The following EMC10 variants were observed in gnomAD, a reference collection of about 807,000 sequenced individuals.
EMC10 encodes ER membrane protein complex subunit 10, also known as UPF0510 protein INM02.
Under a neutral mutation model 32.2 loss-of-function variants are expected in EMC10, and 40 were observed. That is an observed-to-expected ratio of 1.24 (90% CI 0.96 to 1.61). The LOEUF (loss-of-function observed/expected upper bound fraction) is 1.61. EMC10 is among the 40% of genes most tolerant of loss of function. EMC10 has a pLI of 0.00. For synonymous variants in EMC10, 178 were observed against 158.4 expected (o/e 1.12, Z -0.93); for missense variants, 402 against 357.7 (o/e 1.12, Z -1.00).
At position 50,482,637 on chromosome 19, in the gene EMC10, G is replaced by A. The variant is rs182313630; in HGVS notation, c.*378G>A. On this transcript the variant is annotated 3_prime_UTR_variant, in exon 7 of 7. Coordinates refer to ENST00000334976, the MANE Select transcript of EMC10 (RefSeq NM_206538.4). ...CCTTCTCTCCAGCCTCTGTGCCTTT[G>A]TTCCAGGTGGTCTCACCCTCCTGTC... The A allele has an allele frequency of 2.1e-5, 10 of 483,626 alleles. No homozygotes were observed. In the Middle Eastern group the frequency reaches 1.1e-3, roughly 54 times the overall value. 30.0% of individuals were successfully genotyped at this position (483,626 alleles called of 1,614,324 possible). A position where few individuals can be genotyped will look rare whatever the true frequency, so the allele number is the denominator to read the frequency against.
chr19:50,482,618 C>T lies in EMC10; in HGVS notation c.*359C>T, dbSNP rs1430752371. ...GCAGTCTGGGAACATGCCGCCTTCT[C>T]TCCAGCCTCTGTGCCTTTGTTCCAG... On this transcript the variant is annotated 3_prime_UTR_variant, in exon 7 of 7. Coordinates refer to ENST00000334976, the MANE Select transcript of EMC10 (RefSeq NM_206538.4). 4.1e-6 allele frequency: 2 copies of T among 490,222 alleles called. No homozygotes were observed. The highest frequency in any genetic ancestry group is 8.2e-5 in the South Asian group (2 of 24,528). The allele number at this position is 490,222 out of a possible 1,614,324, so 30.4% of individuals were successfully genotyped here.
intron 1 of EMC10, 34 bp from the exon 2 acceptor site, chr19:50,477,895 G>A (rs1198096837): frequency 1.9e-6 from 3 of 1,574,638 alleles, no homozygotes; most frequent in Non-Finnish European, 2.6e-6. Flanking sequence ...GGGCTTGGGT[G>A]GTCCTCACCT....
chr19:50,479,058 C>CGGGTGAGGTGGGT lies in EMC10; in HGVS notation c.290_291insGGTGAGGTGGGTG (p.Leu98ValfsTer79), dbSNP rs1568684801. 1 of 1,603,682 alleles carries CGGGTGAGGTGGGT rather than the reference C, an allele frequency of 6.2e-7. No homozygotes were observed. The highest frequency in any genetic ancestry group is 2.3e-5 in the East Asian group (1 of 44,394). Reference sequence around the variant, plus strand: ...GCAGCTCAGCGAGGAGGAGCGGGGCCGACTCCGGGTGAGGTGGGGCCCTCA... The same window carrying CGGGTGAGGTGGGT: ...GCAGCTCAGCGAGGAGGAGCGGGGCCGGGTGAGGTGGGTGACTCCGGGTGAGGTGGGGCCCTCA... On this transcript the variant is annotated frameshift_variant, in exon 3 of 7. Coordinates refer to ENST00000334976, the MANE Select transcript of EMC10 (RefSeq NM_206538.4). LOFTEE classifies it high-confidence loss of function.
Position 50,480,823 on chromosome 19 carries a change from C to T in EMC10, c.584+61C>T, listed in dbSNP as rs2040308202. The T allele has an allele frequency of 4.5e-6, 7 of 1,566,456 alleles. No homozygotes were observed. Among genetic ancestry groups the T allele is most frequent in the Non-Finnish European group, 6.1e-6 (7 of 1,152,990 alleles). On this transcript the variant is annotated intron_variant, in intron 5 of 6. Transcript: ENST00000334976. This position sits in a 1 kb window ranked among gnomAD's most constrained non-coding sequence, Gnocchi z 4.4. ...CTGCCCCGGCCCTTCCTGGCGGCCTCAGGGTCTCCAGGTCCCTGGACTCCG... is the reference window on the plus strand; with the variant it reads ...CTGCCCCGGCCCTTCCTGGCGGCCTTAGGGTCTCCAGGTCCCTGGACTCCG...
chr19:50,488,179 C>T lies in EMC10; in HGVS notation c.*5920C>T. 6.6e-6 allele frequency: 1 copy of T among 150,882 alleles called. No homozygotes were observed. Among genetic ancestry groups the T allele is most frequent in the Non-Finnish European group, 1.5e-5 (1 of 67,892 alleles). 9.3% of individuals were successfully genotyped at this position (150,882 alleles called of 1,614,324 possible). On this transcript the variant is annotated 3_prime_UTR_variant, in exon 7 of 7. Coordinates refer to ENST00000334976, the MANE Select transcript of EMC10 (RefSeq NM_206538.4). Reference sequence around the variant, plus strand: ...GGCATGGTGGCAGGCGCCTGTAGTCCCAGCTACTCGGGAGGCTGAGGCAGG... The same window carrying T: ...GGCATGGTGGCAGGCGCCTGTAGTCTCAGCTACTCGGGAGGCTGAGGCAGG...
intron 6 of EMC10, chr19:50,481,546 G>A: frequency 2.5e-6 from 1 of 402,162 alleles, no homozygotes; most frequent in South Asian, 3.9e-5. Context: ...TGAGTGTGGA[G>A]ACTGGTGTTA....
At position 50,490,079 on chromosome 19, in the gene EMC10, A is replaced by T. The variant is rs1480008129; in HGVS notation, c.*7820A>T. On this transcript the variant is annotated 3_prime_UTR_variant, in exon 7 of 7. Coordinates refer to ENST00000334976, the MANE Select transcript of EMC10 (RefSeq NM_206538.4). ...GCCCTCCCACCCCGCCCCCAACCCC[A>T]TAACTGAAAACAAGTAGGAACCTGG... is the stretch of plus-strand genomic sequence containing the variant. The T allele has an allele frequency of 4.3e-5, 2 of 46,950 alleles. No individual in the cohort carries two copies. The highest frequency in any genetic ancestry group is 5.0e-4 in the Admixed American group (2 of 3,964). 2.9% of individuals were successfully genotyped at this position (46,950 alleles called of 1,614,324 possible).
rs1160662232 is a variant in EMC10, at chr19:50,480,140, G to A, written c.327G>A (p.Arg109=). ...RDVAALNGLY[R]VRIPRRPGAL... ...TGGCAGCCCTGAATGGCCTGTACCGGGTCCGGATCCCAAGGCGACCCGGGG... is the reference window on the plus strand; with the variant it reads ...TGGCAGCCCTGAATGGCCTGTACCGAGTCCGGATCCCAAGGCGACCCGGGG... The change falls in exon 4 of 7, where the codon CGG becomes CGA. Residue 109 remains arginine, a synonymous_variant. Transcript: ENST00000334976. This position sits in a 1 kb window ranked among gnomAD's most constrained non-coding sequence, Gnocchi z 4.4. 1 of 1,613,058 alleles carries A rather than the reference G, an allele frequency of 6.2e-7. No homozygotes were observed. The highest frequency in any genetic ancestry group is 1.1e-5 in the South Asian group (1 of 90,692).
rs989630331 is a variant in EMC10, at chr19:50,483,863, A to T, written c.*1604A>T. ...AGGCGTGAGCCACCGCGCCTGGCCT[A>T]TTTTTGGTAACTTTAATAAAGAAGA... On this transcript the variant is annotated 3_prime_UTR_variant, in exon 7 of 7. Transcript: ENST00000334976. The T allele has an allele frequency of 4.0e-5, 6 of 151,476 alleles. No homozygotes were observed. The highest frequency in any genetic ancestry group is 1.2e-4 in the African/African-American group (5 of 41,194). The allele number at this position is 151,476 out of a possible 1,614,324, so 9.4% of individuals were successfully genotyped here.
chr19:50,479,114 C>A, intron 3 of EMC10, 48 bp downstream of exon 3: 1 of 1,451,720 alleles, frequency 6.9e-7, no homozygotes, highest in Non-Finnish European at 9.5e-7. Flanking sequence ...TGGAGGGTTT[C>A]CAGCTGTCTC....
rs774242025 is a variant in EMC10 at position 50,481,995 on chromosome 19, T to A, written c.679-154T>A. 7 of 1,600,216 alleles carry A rather than the reference T, an allele frequency of 4.4e-6. No homozygotes were observed. The African/African-American group carries it at 9.4e-5, about 21-fold the overall frequency. On this transcript the variant is annotated intron_variant, in intron 6 of 6. Coordinates refer to ENST00000334976, the MANE Select transcript of EMC10 (RefSeq NM_206538.4). ...CTCCCTGCGCCCCACTGGCCCTCCC[T>A]GACCTGTAGTGACGTAGGGGACCTG...
chr19:50,480,122 C>G lies in EMC10; in HGVS notation c.309C>G (p.Ala103=). Reference sequence around the variant, plus strand: ...TCTCCCATCCCCAGGATGTGGCAGCCCTGAATGGCCTGTACCGGGTCCGGA... The same window carrying G: ...TCTCCCATCCCCAGGATGTGGCAGCGCTGAATGGCCTGTACCGGGTCCGGA... ...EERGRLRDVA[A]LNGLYRVRIP... The change falls in exon 4 of 7, where the codon GCC becomes GCG. Residue 103 remains alanine (A), a synonymous_variant. Coordinates refer to ENST00000334976, the MANE Select transcript of EMC10 (RefSeq NM_206538.4). The surrounding 1 kb of genome is among the most constrained non-coding windows in gnomAD (Gnocchi z 4.4). 2 of 1,610,876 alleles carry G rather than the reference C, an allele frequency of 1.2e-6. No individual in the cohort carries two copies. The highest frequency in any genetic ancestry group is 1.7e-6 in the Non-Finnish European group (2 of 1,179,016).
In EMC10 at chr19:50,479,065, G is replaced by A. The variant is rs750637693; in HGVS notation, c.296G>A (p.Arg99Gln). ...AGCGAGGAGGAGCGGGGCCGACTCC[G>A]GGTGAGGTGGGGCCCTCAGGGCTGG... ...QLSEEERGRLRDVAALNGLYR... is the reference protein window; with the variant it reads ...QLSEEERGRLQDVAALNGLYR... The change falls in exon 3 of 7, where the codon CGG becomes CAG. Residue 99 changes from arginine to glutamine, a missense_variant and splice_region_variant. Physicochemically the swap from Arg to Gln is conservative, Grantham distance 43. Coordinates refer to ENST00000334976, the MANE Select transcript of EMC10 (RefSeq NM_206538.4). 1.3e-5 allele frequency: 20 copies of A among 1,597,732 alleles called. No individual in the cohort carries two copies. The Admixed American group carries it at 2.1e-4, about 16-fold the overall frequency.
At position 50,483,066 on chromosome 19, in the gene EMC10, G is replaced by A. The variant is rs1436920701; in HGVS notation, c.*807G>A. On this transcript the variant is annotated 3_prime_UTR_variant, in exon 7 of 7. Coordinates refer to ENST00000334976, the MANE Select transcript of EMC10 (RefSeq NM_206538.4). ...CCTACCTGGACTGCGGTGCTACGAGGGCCTGCGGGCCTTTGCTGTGTGCCA... is the reference window on the plus strand; with the variant it reads ...CCTACCTGGACTGCGGTGCTACGAGAGCCTGCGGGCCTTTGCTGTGTGCCA... 2 of 523,756 alleles carry A rather than the reference G, an allele frequency of 3.8e-6. No individual in the cohort carries two copies. The highest frequency in any genetic ancestry group is 2.2e-5 in the Admixed American group (1 of 44,456). 32.4% of individuals were successfully genotyped at this position (523,756 alleles called of 1,614,324 possible). A position where few individuals can be genotyped will look rare whatever the true frequency, so the allele number is the denominator to read the frequency against.
chr19:50,479,102 G>A (rs1170125089), intron 3 of EMC10, 36 bp downstream of exon 3: 1 of 1,512,984 alleles, frequency 6.6e-7, no homozygotes, highest in Non-Finnish European at 9.0e-7. Context: ...TGTGGATGGG[G>A]ATGGAGGGTT....
chr19:50,482,584 C>T lies in EMC10; in HGVS notation c.*325C>T, dbSNP rs1175259369. ...GTTCTGACCTCGCATCCCCCTACCC[C>T]GAGCCCATGCAGTCTGGGAACATGC... On this transcript the variant is annotated 3_prime_UTR_variant, in exon 7 of 7. Coordinates refer to ENST00000334976, the MANE Select transcript of EMC10 (RefSeq NM_206538.4). 2.3e-5 allele frequency: 12 copies of T among 511,386 alleles called. No homozygotes were observed. Among genetic ancestry groups the T allele is most frequent in the South Asian group, 1.0e-4 (3 of 29,506 alleles). The allele number at this position is 511,386 out of a possible 1,614,324, so 31.7% of individuals were successfully genotyped here.
At chr19:50,479,910 C>T (rs763225018) in intron 3 of EMC10, among the ~76,000 whole-genome samples, 3 of 152,226 alleles carry the variant, frequency 2.0e-5, no homozygotes, top group Non-Finnish European at 4.4e-5. Context: ...GGGGCGGTCC[C>T]AGCTGCTCCT....
At position 50,490,726 on chromosome 19, in the gene EMC10, C is replaced by T. The variant is rs148252408; in HGVS notation, c.*8467C>T. On this transcript the variant is annotated 3_prime_UTR_variant, in exon 7 of 7. Coordinates refer to ENST00000334976, the MANE Select transcript of EMC10 (RefSeq NM_206538.4). ...CAGAGCAGGGGCGTGAGGGAGCAGG[C>T]AAGCAGGGAAGGGAAAGACAATGAG... 940 of 152,250 alleles carry T rather than the reference C, an allele frequency of 6.2e-3. 9 individuals carry two copies. The highest frequency in any genetic ancestry group is 0.01 in the Non-Finnish European group (709 of 68,060). The allele number at this position is 152,250 out of a possible 1,614,324, so 9.4% of individuals were successfully genotyped here. A position where few individuals can be genotyped will look rare whatever the true frequency, so the allele number is the denominator to read the frequency against.
Position 50,482,364 on chromosome 19 carries a change from C to T in EMC10, c.*105C>T. 1 of 627,416 alleles carries T rather than the reference C, an allele frequency of 1.6e-6. No individual in the cohort carries two copies. Among genetic ancestry groups the T allele is most frequent in the Non-Finnish European group, 2.8e-6 (1 of 353,258 alleles). 38.9% of individuals were successfully genotyped at this position (627,416 alleles called of 1,614,324 possible). A position where few individuals can be genotyped will look rare whatever the true frequency, so the allele number is the denominator to read the frequency against. On this transcript the variant is annotated 3_prime_UTR_variant, in exon 7 of 7. Coordinates refer to ENST00000334976, the MANE Select transcript of EMC10 (RefSeq NM_206538.4). ...CCCAAGAAGGGTTTGCTGGTCCCTC[C>T]TTTCCCCCCGTCCCACGAGGCCACC...
Sources: allele counts gnomAD v4.1 joint callset (sites outside exome capture counted in the v4.1 genomes callset), GRCh38; gene constraint gnomAD v4.1.1; non-coding constraint Gnocchi (gnomAD v3.1); transcripts MANE v1.5; gene names NCBI Gene and HGNC (gene_info 2026-07-23, HGNC 2026-07-21).